PARD6G: variants seen among roughly 807,000 people sequenced by gnomAD.
PARD6G encodes the protein partitioning defective 6 homolog gamma.
A neutral mutation model predicts 10.7 loss-of-function variants in PARD6G; 7 were observed. The ratio of observed to expected loss-of-function variants is 0.66; its 90% confidence interval spans 0.37 to 1.23. The LOEUF is 1.23. Among genes scored for constraint, PARD6G ranks in the 50% most tolerant of loss-of-function variants. PARD6G has a pLI of 0.02. For synonymous variants in PARD6G, 287 were observed against 269.4 expected (o/e 1.07, Z -0.64); for missense variants, 548 against 571.8 (o/e 0.96, Z 0.42).
chr18:80,218,599 C>T (rs183203876), intron 1 of PARD6G, among the ~76,000 whole-genome samples: 91 of 152,182 alleles, frequency 6.0e-4, no homozygotes, highest in Middle Eastern at 3.4e-3. Flanking sequence ...CTTTTCCAGG[C>T]GCACAGTGCA....
chr18:80,237,804 C>G (rs540846774), intron 1 of PARD6G, among the ~76,000 whole-genome samples: 1 of 152,184 alleles, frequency 6.6e-6, no homozygotes, highest in Non-Finnish European at 1.5e-5. Flanking sequence ...GAGATACCAT[C>G]TCACACCAGT....
intron 1 of PARD6G, among the ~76,000 whole-genome samples, chr18:80,238,832 C>T (rs548237295): frequency 7.6e-4 from 95 of 125,506 alleles, no homozygotes; most frequent in Non-Finnish European, 1.2e-3. Flanking sequence ...AGGAAAGGAT[C>T]GGCTTGCTGG....
Position 80,160,473 on chromosome 18 carries a change from T to C in PARD6G, c.429A>G (p.Val143=), listed in dbSNP as rs748877688. Residue 143 remains valine (V), a synonymous_variant, in exon 3 of 3, where the codon GTA becomes GTG. Transcript: ENST00000353265. ...CCAGGTCCACATCGATGATGGATGA[T>C]ACGGGGCGGAAGTCGCGCGGGAGGC... is the stretch of plus-strand genomic sequence containing the variant. The part of the protein sequence containing the change: ...DIGLPRDFRP[V]SSIIDVDLVP... 88 of 1,565,188 alleles carry C rather than the reference T, an allele frequency of 5.6e-5. 1 individual carries two copies. In the South Asian group the frequency reaches 9.9e-4, roughly 18 times the overall value.
chr18:80,232,783 A>T (rs1967374711), intron 1 of PARD6G, among the ~76,000 whole-genome samples: 1 of 152,196 alleles, frequency 6.6e-6, no homozygotes, highest in Non-Finnish European at 1.5e-5. Context: ...CATGGGCAGG[A>T]TCAGAGGCTC....
intron 1 of PARD6G, among the ~76,000 whole-genome samples, chr18:80,237,750 T>C (rs1159124405): frequency 6.6e-6 from 1 of 152,236 alleles, no homozygotes; most frequent in Non-Finnish European, 1.5e-5. Context: ...GAAAAAATGT[T>C]CATCATCACT....
At position 80,160,378 on chromosome 18, in the gene PARD6G, C is replaced by T; in HGVS notation, c.524G>A (p.Arg175His). Residue 175 changes from arginine (R) to histidine (H), a missense_variant, in exon 3 of 3, where the codon CGC becomes CAC. Coordinates refer to ENST00000353265, the MANE Select transcript of PARD6G (RefSeq NM_032510.4). Reference sequence around the variant, plus strand: ...GGTCACGCGCACGCTGGCGCCATCGCGGATGTAGAAGCCCAGCGGCTTCTC... The same window carrying T: ...GGTCACGCGCACGCTGGCGCCATCGTGGATGTAGAAGCCCAGCGGCTTCTC... ...GCEKPLGFYI[R>H]DGASVRVTPH... The T allele has an allele frequency of 3.7e-6, 6 of 1,609,626 alleles. No homozygotes were observed. The highest frequency in any genetic ancestry group is 5.1e-6 in the Non-Finnish European group (6 of 1,178,842).
chr18:80,247,260 G>T lies in PARD6G; in HGVS notation c.72+17C>A. 6.4e-7 allele frequency: 1 copy of T among 1,565,442 alleles called. No homozygotes were observed. Among genetic ancestry groups the T allele is most frequent in the Non-Finnish European group, 8.7e-7 (1 of 1,154,994 alleles). On this transcript the variant is annotated intron_variant, in intron 1 of 2. Transcript: ENST00000353265. The surrounding 1 kb of genome is among the most constrained non-coding windows in gnomAD (Gnocchi z 4.2). Reference sequence around the variant, plus strand: ...GGAGACTGGGCGCAGGGCCGCCGGGGCGGGCGGGGGGCTTACCTTGCTCTT... The same window carrying T: ...GGAGACTGGGCGCAGGGCCGCCGGGTCGGGCGGGGGGCTTACCTTGCTCTT...
At chr18:80,220,472 T>C (rs1414186446) in intron 1 of PARD6G, among the ~76,000 whole-genome samples, 1 of 152,208 alleles carries the variant, frequency 6.6e-6, no homozygotes, top group Non-Finnish European at 1.5e-5. Flanking sequence ...GAAATCTGAA[T>C]AAAGTATGAA....
intron 1 of PARD6G, among the ~76,000 whole-genome samples, chr18:80,219,381 G>A (rs991131949): frequency 1.3e-5 from 2 of 152,094 alleles, no homozygotes; most frequent in Admixed American, 6.6e-5. Context: ...GCTAATTTTT[G>A]TATTTTTTAG....
At chr18:80,162,123 T>G (rs1386495119) in intron 2 of PARD6G, 1 of 152,196 alleles carries the variant, frequency 6.6e-6, no homozygotes, top group Non-Finnish European at 1.5e-5. Flanking sequence ...TGCCCCAGCA[T>G]GAGGACTGTC....
chr18:80,207,444 T>C (rs544195912), intron 1 of PARD6G, among the ~76,000 whole-genome samples: 5 of 152,212 alleles, frequency 3.3e-5, no homozygotes, highest in African/African-American at 1.2e-4. Flanking sequence ...GGCTAGTGAT[T>C]ATCAATAAAT....
At position 80,246,221 on chromosome 18, in the gene PARD6G, G is replaced by A. The variant is rs978311463; in HGVS notation, c.72+1056C>T. 3.3e-5 allele frequency among the ~76,000 whole-genome samples: 5 copies of A among 152,124 alleles called. No homozygotes were observed. The highest frequency in any genetic ancestry group is 7.4e-5 in the Non-Finnish European group (5 of 68,012). ...GGTGCGAAGAAAGAAAGGGCGAAAG[G>A]GCCGCTCAACTCCCAGAGAGTAGCC... On this transcript the variant is annotated intron_variant, in intron 1 of 2. Coordinates refer to ENST00000353265, the MANE Select transcript of PARD6G (RefSeq NM_032510.4). The surrounding 1 kb of genome is among the most constrained non-coding windows in gnomAD (Gnocchi z 6.7).
chr18:80,187,047 C>T (rs949317362), intron 2 of PARD6G, among the ~76,000 whole-genome samples: 4 of 151,356 alleles, frequency 2.6e-5, no homozygotes, highest in Admixed American at 2.0e-4. Context: ...TGCAGTGAGC[C>T]GATTGCGCCA....
intron 2 of PARD6G, among the ~76,000 whole-genome samples, chr18:80,171,947 G>C (rs1476039475): frequency 6.6e-6 from 1 of 152,180 alleles, no homozygotes; most frequent in African/African-American, 2.4e-5. Flanking sequence ...TTTGAAAAGG[G>C]GGAAGAACGA....
At chr18:80,237,216 T>C (rs1423249488) in intron 1 of PARD6G, among the ~76,000 whole-genome samples, 1 of 152,126 alleles carries the variant, frequency 6.6e-6, no homozygotes, top group East Asian at 1.9e-4. Context: ...AACTATCTGA[T>C]CTTTGACAAA....
chr18:80,160,954 T>C (rs1376012837), intron 2 of PARD6G, among the ~76,000 whole-genome samples: 1 of 152,206 alleles, frequency 6.6e-6, no homozygotes, highest in Non-Finnish European at 1.5e-5. Flanking sequence ...CAGGCTGGAC[T>C]GGGGACTTCT....
At chr18:80,195,544 G>GATACATATATATATATAT (rs1966944040) in intron 2 of PARD6G, among the ~76,000 whole-genome samples, 1 of 23,686 alleles carries the variant, frequency 4.2e-5, no homozygotes, top group Non-Finnish European at 8.9e-5. Context: ...AGTCTTCAAA[G>GATACATATATATATATAT]ATACATATAT....
intron 2 of PARD6G, among the ~76,000 whole-genome samples, chr18:80,167,455 C>T (rs1452006699): frequency 3.9e-5 from 6 of 152,290 alleles, no homozygotes; most frequent in African/African-American, 1.4e-4. Context: ...GGGACAGGGA[C>T]ACAGGCTCAG....
chr18:80,195,548 C>CATATATATATATACATATATATAT (rs1555736126), intron 2 of PARD6G, among the ~76,000 whole-genome samples: 2 of 82,214 alleles, frequency 2.4e-5, no homozygotes, highest in Non-Finnish European at 4.9e-5. Context: ...TTCAAAGATA[C>CATATATATATATACATATATATAT]ATATATATAT....
Sources: allele counts gnomAD v4.1 joint callset (sites outside exome capture counted in the v4.1 genomes callset), GRCh38; gene constraint gnomAD v4.1.1; non-coding constraint Gnocchi (gnomAD v3.1); transcripts MANE v1.5; gene names NCBI Gene and HGNC (gene_info 2026-07-23, HGNC 2026-07-21).